The following GLIS3 variants were observed in gnomAD, a reference collection of about 807,000 sequenced individuals.
The protein encoded by GLIS3 is zinc finger protein GLIS3.
A neutral mutation model predicts 78.6 loss-of-function variants in GLIS3; 53 were observed. The ratio of observed to expected loss-of-function variants is 0.67; its 90% CI spans 0.54 to 0.85. GLIS3 has a LOEUF of 0.85. Among genes scored for constraint, GLIS3 ranks in the 40% least tolerant of loss-of-function variants. The probability of loss-of-function intolerance (pLI) is 0.00; values close to 1 mark genes in which losing one functional copy is unlikely to be tolerated. For missense variants in GLIS3, 1,703 were observed against 1,231.1 expected, an observed-to-expected ratio of 1.38 and a Z score of -5.74; for synonymous variants, 684 against 509.9, an observed-to-expected ratio of 1.34 and a Z score of -4.60.
chr9:4,396,286 G>GT, the GLIS3 span, among the ~76,000 whole-genome samples: 8 of 151,970 alleles, frequency 5.3e-5, no homozygotes, highest in South Asian at 1.2e-3. Context: ...CTAAGTTTTC[G>GT]TTTTTTGCAT....
intron 2 of GLIS3, among the ~76,000 whole-genome samples, chr9:4,274,933 G>C (rs1278230004): frequency 6.6e-6 from 1 of 152,176 alleles, no homozygotes; most frequent in Non-Finnish European, 1.5e-5. Flanking sequence ...GTTGCATTTT[G>C]TAATGTGTTT....
At chr9:4,397,052 G>A in the GLIS3 span, among the ~76,000 whole-genome samples, 1 of 129,586 alleles carries the variant, frequency 7.7e-6, no homozygotes, top group Admixed American at 8.2e-5. Context: ...TTGAGAAAGA[G>A]TCTCGCTCTG....
chr9:4,135,482 G>A (rs918877126), intron 2 of GLIS3, among the ~76,000 whole-genome samples: 1 of 151,962 alleles, frequency 6.6e-6, no homozygotes, highest in African/African-American at 2.4e-5. Flanking sequence ...AGAAGTCATC[G>A]AACTATGACT....
intron 4 of GLIS3, among the ~76,000 whole-genome samples, chr9:3,947,150 C>G (rs1308732291): frequency 1.3e-5 from 2 of 152,224 alleles, no homozygotes; most frequent in Non-Finnish European, 2.9e-5. Flanking sequence ...GAAGCAAAGC[C>G]TTGGCTCTGT....
chr9:4,179,347 A>G (rs1817090914), intron 2 of GLIS3, among the ~76,000 whole-genome samples: 1 of 152,196 alleles, frequency 6.6e-6, no homozygotes, highest in African/African-American at 2.4e-5. Context: ...AGCATCTAAA[A>G]CAACTTGCAG....
chr9:3,915,595 A>T (rs1310358793), intron 6 of GLIS3, among the ~76,000 whole-genome samples: 1 of 152,098 alleles, frequency 6.6e-6, no homozygotes, highest in Non-Finnish European at 1.5e-5. Context: ...TTTTGTTCTC[A>T]AGGTCTACAA....
In GLIS3 at chr9:4,161,159, G is replaced by A. The variant is rs146785600; in HGVS notation, c.389-35218C>T. Among the ~76,000 whole-genome samples, 3 of 151,998 alleles carry A rather than the reference G, an allele frequency of 2.0e-5. No individual in the cohort carries two copies. The East Asian group carries it at 5.8e-4, about 29-fold the overall frequency. ...TTATTCAGGCATGTTGGTAGTCCCG[G>A]CTACTCAGGAGACAGAGGCAGGAAG... is the stretch of plus-strand genomic sequence containing the variant. On this transcript the variant is annotated intron_variant, in intron 2 of 10. Transcript: ENST00000381971.
chr9:4,053,941 G>C (rs1488906197), intron 4 of GLIS3, among the ~76,000 whole-genome samples: 1 of 152,070 alleles, frequency 6.6e-6, no homozygotes, highest in Non-Finnish European at 1.5e-5. Context: ...TTTGAGTTTT[G>C]TTCTGTTTTG....
chr9:3,957,554 C>G (rs190744205), intron 4 of GLIS3, among the ~76,000 whole-genome samples: 3 of 152,148 alleles, frequency 2.0e-5, no homozygotes, highest in East Asian at 1.9e-4. Context: ...CAGGGCAGTA[C>G]TGACATAGAA....
At chr9:4,238,357 A>G (rs934827991) in intron 2 of GLIS3, among the ~76,000 whole-genome samples, 52 of 152,302 alleles carry the variant, frequency 3.4e-4, no homozygotes, top group African/African-American at 1.2e-3. Context: ...GAGGAAGAAT[A>G]TGACCGTGAA....
At chr9:4,231,066 T>A (rs555690181) in intron 2 of GLIS3, among the ~76,000 whole-genome samples, 1 of 151,204 alleles carries the variant, frequency 6.6e-6, no homozygotes, top group Non-Finnish European at 1.5e-5. Flanking sequence ...AATGAGACTG[T>A]CTGTAAAAAA....
At chr9:4,283,253 G>GTT (rs986593411) in intron 2 of GLIS3, among the ~76,000 whole-genome samples, 1 of 90,080 alleles carries the variant, frequency 1.1e-5, no homozygotes, top group African/African-American at 5.6e-5. Context: ...TTACTGTGCT[G>GTT]TTTTTTTGTT....
chr9:4,146,513 C>G (rs896412251), intron 2 of GLIS3, among the ~76,000 whole-genome samples: 3 of 152,124 alleles, frequency 2.0e-5, no homozygotes, highest in African/African-American at 7.2e-5. Flanking sequence ...CTAAACTGTC[C>G]TCATCTCTGA....
chr9:4,446,473 A>T, the GLIS3 span, among the ~76,000 whole-genome samples: 1 of 151,850 alleles, frequency 6.6e-6, no homozygotes, highest in Non-Finnish European at 1.5e-5. Flanking sequence ...GTAGCTGTCC[A>T]AGTGGACTAA....
At chr9:4,003,695 G>C (rs1290633582) in intron 4 of GLIS3, among the ~76,000 whole-genome samples, 1 of 152,138 alleles carries the variant, frequency 6.6e-6, no homozygotes, top group Non-Finnish European at 1.5e-5. Context: ...TCATTCACTG[G>C]TTCCAAATAA....
At chr9:4,312,908 G>A (rs1817386417) in intron 2 of GLIS3, among the ~76,000 whole-genome samples, 1 of 152,194 alleles carries the variant, frequency 6.6e-6, no homozygotes, top group African/African-American at 2.4e-5. Context: ...AATCCTCACA[G>A]TAACACTACG....
rs528507740 is a variant in GLIS3 at position 3,883,344 on chromosome 9, A to AATCTC, written c.2129-3754_2129-3750dup. On this transcript the variant is annotated intron_variant, in intron 7 of 10. Transcript: ENST00000381971. Reference sequence around the variant, plus strand: ...ACCTACTCTGCACCAGGCAGGTGCTAATCTCCATTAATGTTTTAAGTCTGA... The same window carrying AATCTC: ...ACCTACTCTGCACCAGGCAGGTGCTAATCTCATCTCCATTAATGTTTTAAGTCTGA... Among the ~76,000 whole-genome samples the AATCTC allele has an allele frequency of 2.6e-3, 400 of 152,332 alleles. 1 individual carries two copies. The highest frequency in any genetic ancestry group is 4.6e-3 in the Non-Finnish European group (310 of 68,030).
the GLIS3 span, among the ~76,000 whole-genome samples, chr9:4,372,975 G>A: frequency 6.6e-6 from 1 of 152,180 alleles, no homozygotes; most frequent in African/African-American, 2.4e-5. Flanking sequence ...GCAGTGATTG[G>A]TACTAGTAGG....
At chr9:4,127,497 C>T (rs1342094714) in intron 2 of GLIS3, among the ~76,000 whole-genome samples, 1 of 152,126 alleles carries the variant, frequency 6.6e-6, no homozygotes, top group Non-Finnish European at 1.5e-5. Flanking sequence ...TTTCGTAACT[C>T]ATAAAGCACT....
Sources: allele counts gnomAD v4.1 joint callset (sites outside exome capture counted in the v4.1 genomes callset), GRCh38; gene constraint gnomAD v4.1.1; transcripts MANE v1.5; gene names NCBI Gene and HGNC (gene_info 2026-07-23, HGNC 2026-07-21).